The following JAG1 variants were observed in gnomAD, a reference collection of about 807,000 sequenced individuals.
The protein encoded by JAG1 is protein jagged-1.
JAG1 carries 23 observed loss-of-function variants against 148.7 expected under a neutral mutation model. That is an observed-to-expected ratio of 0.15 (90% CI 0.11 to 0.22). The LOEUF is 0.22. JAG1 is among the 10% of genes least tolerant of loss of function. The pLI is 1.00. For synonymous variants in JAG1, 572 were observed against 598.3 expected (o/e 0.96, Z 0.64); for missense variants, 1,054 against 1,611.2 (o/e 0.65, Z 5.92).
At chr20:10,647,882 T>C (rs2067320026) in intron 13 of JAG1, 78 bp downstream of exon 13, 1 of 1,470,250 alleles carries the variant, frequency 6.8e-7, no homozygotes, top group African/African-American at 1.4e-5. Flanking sequence ...TTCTCAAGTG[T>C]AACAAGGGGC....
intron 7 of JAG1, 40 bp downstream of exon 7, chr20:10,652,088 GAAA>G: frequency 6.2e-7 from 1 of 1,610,994 alleles, no homozygotes; most frequent in Non-Finnish European, 8.5e-7. Context: ...GCTGAGTACA[GAAA>G]AATTAGACAA....
chr20:10,656,883 A>C (rs2067382936), intron 4 of JAG1, among the ~76,000 whole-genome samples: 1 of 151,462 alleles, frequency 6.6e-6, no homozygotes, highest in Non-Finnish European at 1.5e-5. Context: ...AAAAAAAAAA[A>C]AAAAAAAAAA....
At position 10,644,368 on chromosome 20, in the gene JAG1, G is replaced by A; in HGVS notation, c.2361C>T (p.Ser787=). 6.2e-7 allele frequency: 1 copy of A among 1,613,018 alleles called. No homozygotes were observed. ...GATGTCACACTTACCAGGGATGAGG[G>A]CTGCAGTCATTGGTATCTGCAAAGA... ...PICAQNTNDC[S]PHPCYNSGTC... The change falls in exon 19 of 26, where the codon AGC becomes AGT. Residue 787 remains serine, a synonymous_variant. Coordinates refer to ENST00000254958, the MANE Select transcript of JAG1 (RefSeq NM_000214.3).
At chr20:10,640,998 A>G in intron 24 of JAG1, 65 bp from the exon 25 acceptor site, 1 of 1,611,330 alleles carries the variant, frequency 6.2e-7, no homozygotes. Context: ...CTTCAAAATT[A>G]CTCGACAATC....
intron 21 of JAG1, 49 bp downstream of exon 21, chr20:10,642,439 C>T: frequency 9.1e-7 from 1 of 1,097,816 alleles, no homozygotes; most frequent in Non-Finnish European, 1.4e-6. Flanking sequence ...GACTGCAAAG[C>T]TCGCTCACCC....
intron 2 of JAG1, among the ~76,000 whole-genome samples, chr20:10,670,289 C>T (rs1314127003): frequency 6.6e-6 from 1 of 152,210 alleles, no homozygotes; most frequent in Non-Finnish European, 1.5e-5. Flanking sequence ...TGATACCCAG[C>T]GTCAGCAAAT....
chr20:10,648,168 C>G, intron 12 of JAG1, 58 bp from the exon 13 acceptor site: 1 of 1,601,696 alleles, frequency 6.2e-7, no homozygotes, highest in South Asian at 1.1e-5. Flanking sequence ...AAAGGTGTCA[C>G]GATAACTTCT....
At chr20:10,666,138 T>C (rs935265268) in intron 2 of JAG1, among the ~76,000 whole-genome samples, 3 of 152,102 alleles carry the variant, frequency 2.0e-5, no homozygotes, top group African/African-American at 7.2e-5. Context: ...TAGGGTCTCC[T>C]GGGGCAGGAG....
intron 4 of JAG1, 66 bp from the exon 5 acceptor site, chr20:10,656,524 A>G: frequency 7.4e-7 from 1 of 1,345,776 alleles, no homozygotes; most frequent in Middle Eastern, 1.8e-4. Flanking sequence ...GGTCATGAGA[A>G]TGGCCCATTG....
chr20:10,641,040 G>A, intron 24 of JAG1, 73 bp downstream of exon 24: 1 of 1,610,320 alleles, frequency 6.2e-7, no homozygotes, highest in South Asian at 1.1e-5. Flanking sequence ...CAGTGAATTT[G>A]CTCCATTCAG....
chr20:10,653,111 C>A (rs1252649608), intron 5 of JAG1, among the ~76,000 whole-genome samples: 1 of 151,722 alleles, frequency 6.6e-6, no homozygotes, highest in Admixed American at 6.6e-5. Context: ...TTTAAAAAAA[C>A]AAGGAGAGAA....
At chr20:10,644,276 T>TCACACACACACACACACACACACACACA (rs33967297) in intron 19 of JAG1, 81 bp downstream of exon 19, 5 of 884,292 alleles carry the variant, frequency 5.7e-6, no homozygotes, top group African/African-American at 5.3e-5. Context: ...TGGGTGATTC[T>TCACACACACACACACACACACACACACA]CACACACACA....
chr20:10,648,137 G>T (rs762271093), intron 12 of JAG1, 27 bp from the exon 13 acceptor site: 4 of 1,614,078 alleles, frequency 2.5e-6, no homozygotes, highest in Non-Finnish European at 1.7e-6. Context: ...CAGCGAAAAG[G>T]GGGAGGGATC....
At chr20:10,644,524 GA>G (rs1466019893) in intron 18 of JAG1, 140 bp from the exon 19 acceptor site, 5 of 736,352 alleles carry the variant, frequency 6.8e-6, no homozygotes, top group Non-Finnish European at 1.2e-5. Flanking sequence ...TGCTAAATTG[GA>G]ACCAGGCCCG....
chr20:10,650,551 C>T, intron 8 of JAG1, 191 bp from the exon 9 acceptor site: 1 of 587,990 alleles, frequency 1.7e-6, no homozygotes, highest in Non-Finnish European at 3.1e-6. Context: ...AAATCCCCCA[C>T]TGCCCCAGTT....
chr20:10,664,579 C>T (rs1308346033), intron 2 of JAG1, among the ~76,000 whole-genome samples: 2 of 152,074 alleles, frequency 1.3e-5, no homozygotes, highest in South Asian at 2.1e-4. Context: ...CCACAAGTAT[C>T]GGGTAACTCT....
In JAG1 at chr20:10,663,953, C is replaced by T. The variant is rs201371037; in HGVS notation, c.439+10G>A. On this transcript the variant is annotated intron_variant, in intron 3 of 25. Coordinates refer to ENST00000254958, the MANE Select transcript of JAG1 (RefSeq NM_000214.3). ...GTGTTTAGAGAAAAGTCCACAGAAG[C>T]GATACTTACGAACGGTGTCATTACT... 1.9e-4 allele frequency: 314 copies of T among 1,611,480 alleles called. 4 individuals are homozygous for T. In the African/African-American group the frequency reaches 2.6e-3, roughly 13 times the overall value.
At chr20:10,656,965 G>A (rs766428406) in intron 4 of JAG1, among the ~76,000 whole-genome samples, 2 of 151,922 alleles carry the variant, frequency 1.3e-5, no homozygotes, top group Non-Finnish European at 2.9e-5. Flanking sequence ...GGACTCATTG[G>A]GCAGGCTAAT....
chr20:10,670,513 G>A (rs990259757), intron 2 of JAG1, among the ~76,000 whole-genome samples: 1 of 152,050 alleles, frequency 6.6e-6, no homozygotes, highest in African/African-American at 2.4e-5. Flanking sequence ...TTAAATACTC[G>A]CTCAGCTACT....
Sources: allele counts gnomAD v4.1 joint callset (sites outside exome capture counted in the v4.1 genomes callset), GRCh38; gene constraint gnomAD v4.1.1; transcripts MANE v1.5; gene names NCBI Gene and HGNC (gene_info 2026-07-23, HGNC 2026-07-21).